The following MYT1L variants were observed in gnomAD, a reference collection of about 807,000 sequenced individuals.
MYT1L encodes the protein myelin transcription factor 1 like.
Under a neutral mutation model 126.7 loss-of-function variants are expected in MYT1L, and 12 were observed. That is an observed-to-expected ratio of 0.09 (90% CI 0.06 to 0.15). The LOEUF is 0.15. Ranked by LOEUF, MYT1L falls within the 10% of genes least tolerant of loss-of-function variation. The pLI, the probability that MYT1L is intolerant of heterozygous loss-of-function variation, is 1.00. For missense variants in MYT1L, 979 were observed against 1,585.2 expected (o/e 0.62, Z 6.49); for synonymous variants, 541 against 604.2 (o/e 0.90, Z 1.53).
At chr2:1,818,196 C>G (rs74556084) in intron 21 of MYT1L, among the ~76,000 whole-genome samples, 1,539 of 152,254 alleles carry the variant, frequency 0.01, 26 homozygotes, top group African/African-American at 0.035. Context: ...ACAAGACACA[C>G]AGATTGGGAA....
intron 20 of MYT1L, among the ~76,000 whole-genome samples, chr2:1,840,038 T>C (rs1239685085): frequency 6.6e-6 from 1 of 152,246 alleles, no homozygotes; most frequent in African/African-American, 2.4e-5. Context: ...GCGCTCCTCA[T>C]GTGTCCTGAG....
chr2:2,111,131 A>G (rs756425131), intron 3 of MYT1L, among the ~76,000 whole-genome samples: 2 of 152,166 alleles, frequency 1.3e-5, no homozygotes, highest in Non-Finnish European at 2.9e-5. Flanking sequence ...TGTCAGCTCT[A>G]AAAAGGAGGC....
intron 8 of MYT1L, among the ~76,000 whole-genome samples, chr2:1,962,349 A>C (rs552803411): frequency 6.6e-6 from 1 of 152,352 alleles, no homozygotes; most frequent in South Asian, 2.1e-4. Flanking sequence ...ATGTCTAAAA[A>C]TCAAAGTATA....
intron 18 of MYT1L, among the ~76,000 whole-genome samples, chr2:1,876,578 A>G (rs1395352690): frequency 6.6e-6 from 1 of 150,708 alleles, no homozygotes; most frequent in Non-Finnish European, 1.5e-5. Context: ...CCTCTGGGTG[A>G]CTCTCCTGGA....
chr2:1,814,357 C>T (rs1032913301), intron 21 of MYT1L, among the ~76,000 whole-genome samples: 2 of 152,206 alleles, frequency 1.3e-5, no homozygotes, highest in Non-Finnish European at 2.9e-5. Context: ...CTGCCTTCCT[C>T]GAATCCCCTG....
intron 18 of MYT1L, among the ~76,000 whole-genome samples, chr2:1,853,908 T>G (rs564787289): frequency 8.5e-5 from 13 of 152,350 alleles, no homozygotes; most frequent in African/African-American, 3.1e-4. Context: ...TTTATGTGTT[T>G]AAATGTCATT....
rs887801476 is a variant in MYT1L, at chr2:2,059,256, G to A, written c.-303-5133C>T. On this transcript the variant is annotated intron_variant, in intron 3 of 24. Coordinates refer to ENST00000647738, the MANE Select transcript of MYT1L (RefSeq NM_001303052.2). The surrounding 1 kb of genome is among the most constrained non-coding windows in gnomAD (Gnocchi z 4.7). ...TTACTCTGGGTGAGGGCATCAACGG[G>A]GTCGCAACTGCTTTTCGCAGGATTG... Among the ~76,000 whole-genome samples, 3 of 152,084 alleles carry A rather than the reference G, an allele frequency of 2.0e-5. No individual in the cohort carries two copies. Among genetic ancestry groups the A allele is most frequent in the Non-Finnish European group, 2.9e-5 (2 of 68,036 alleles).
At position 1,864,055 on chromosome 2, in the gene MYT1L, C is replaced by G. The variant is rs905110804; in HGVS notation, c.2712-12352G>C. On this transcript the variant is annotated intron_variant, in intron 18 of 24. Transcript: ENST00000647738. The stretch of plus-strand genomic sequence containing the variant: ...GCCTGCCACTGGCCTTCATGCCCCC[C>G]AGGGCTGCGGCTGCAGGTTTTCTTC... 2.6e-5 allele frequency among the ~76,000 whole-genome samples: 4 copies of G among 152,330 alleles called. No individual in the cohort carries two copies. The South Asian group carries it at 8.3e-4, about 32-fold the overall frequency.
chr2:2,187,784 C>T (rs1460276370), intron 2 of MYT1L, among the ~76,000 whole-genome samples: 2 of 152,054 alleles, frequency 1.3e-5, no homozygotes, highest in Non-Finnish European at 2.9e-5. Context: ...ATTCTCTGCT[C>T]ACAGCATTTC....
intron 2 of MYT1L, among the ~76,000 whole-genome samples, chr2:2,219,672 T>C (rs905687107): frequency 6.6e-6 from 1 of 152,248 alleles, no homozygotes; most frequent in African/African-American, 2.4e-5. Context: ...TGTTCTCCTC[T>C]GCCTTTGCCT....
At chr2:1,899,965 G>A (rs1359425754) in intron 14 of MYT1L, among the ~76,000 whole-genome samples, 1 of 152,194 alleles carries the variant, frequency 6.6e-6, no homozygotes, top group African/African-American at 2.4e-5. Context: ...ATCACAGCTG[G>A]TGTGATTTAA....
At chr2:2,060,262 A>G (rs2070219154) in intron 3 of MYT1L, among the ~76,000 whole-genome samples, 2 of 152,220 alleles carry the variant, frequency 1.3e-5, no homozygotes. Context: ...AGAACAAATA[A>G]GTGATTGTAC....
chr2:2,060,450 T>C (rs996027606), intron 3 of MYT1L, among the ~76,000 whole-genome samples: 1 of 152,212 alleles, frequency 6.6e-6, no homozygotes, highest in Non-Finnish European at 1.5e-5. Flanking sequence ...TCATTATTTG[T>C]CCAAAAATTC....
At chr2:2,230,881 T>C (rs938006215) in intron 2 of MYT1L, among the ~76,000 whole-genome samples, 1 of 152,020 alleles carries the variant, frequency 6.6e-6, no homozygotes, top group Non-Finnish European at 1.5e-5. Flanking sequence ...TACATTTCTA[T>C]GGTGGAAAAT....
chr2:1,986,746 A>T (rs892719194), intron 5 of MYT1L, among the ~76,000 whole-genome samples: 2 of 152,296 alleles, frequency 1.3e-5, no homozygotes, highest in Admixed American at 1.3e-4. Flanking sequence ...GCCTCACTTC[A>T]CTTTGGAGGC....
In MYT1L at chr2:1,792,384, G is replaced by A. The variant is rs151085015; in HGVS notation, c.3357C>T (p.His1119=). 22 of 1,612,202 alleles carry A rather than the reference G, an allele frequency of 1.4e-5. No individual in the cohort carries two copies. Among genetic ancestry groups the A allele is most frequent in the East Asian group, 8.9e-5 (4 of 44,818 alleles). ...GAGACTGGCTCAGGTTCGCCAGCTC[G>A]TGGAGGAGAGACTCGTTCTGCTGCT... ...VIEQQNESLL[H]ELANLSQSLI... The change falls in exon 24 of 25, where the codon CAC becomes CAT. Residue 1119 remains histidine, a synonymous_variant. Coordinates refer to ENST00000647738, the MANE Select transcript of MYT1L (RefSeq NM_001303052.2).
intron 13 of MYT1L, among the ~76,000 whole-genome samples, chr2:1,907,633 T>C (rs1213769672): frequency 6.6e-6 from 1 of 152,258 alleles, no homozygotes; most frequent in African/African-American, 2.4e-5. Context: ...AAGGAGGCTA[T>C]AGACTTGGCC....
At chr2:2,192,386 A>G (rs2092630202) in intron 2 of MYT1L, among the ~76,000 whole-genome samples, 1 of 148,618 alleles carries the variant, frequency 6.7e-6, no homozygotes, top group Admixed American at 6.8e-5. Context: ...TTTTTTCTTT[A>G]TCCTTTTATT....
At chr2:1,928,893 C>G (rs1212543801) in intron 9 of MYT1L, among the ~76,000 whole-genome samples, 1 of 152,144 alleles carries the variant, frequency 6.6e-6, no homozygotes, top group Admixed American at 6.5e-5. Flanking sequence ...GGGTTCGCCA[C>G]TCCAGGTGCC....
Sources: allele counts gnomAD v4.1 joint callset (sites outside exome capture counted in the v4.1 genomes callset), GRCh38; gene constraint gnomAD v4.1.1; non-coding constraint Gnocchi (gnomAD v3.1); transcripts MANE v1.5; gene names NCBI Gene and HGNC (gene_info 2026-07-23, HGNC 2026-07-21).